The following NREP variants were observed in gnomAD, a reference collection of about 807,000 sequenced individuals.
NREP encodes the protein neuronal regeneration-related protein.
NREP carries 5 observed loss-of-function variants against 8.6 expected under a neutral mutation model. That is an observed-to-expected ratio of 0.58 (90% CI 0.30 to 1.22). The LOEUF (loss-of-function observed/expected upper bound fraction) is 1.22. Ranked by LOEUF, NREP falls within the 50% of genes most tolerant of loss-of-function variation. The pLI, the probability that NREP is intolerant of heterozygous loss-of-function variation, is 0.07. For missense variants in NREP, 86 were observed against 82.5 expected (o/e 1.04, Z -0.17); for synonymous variants, 27 against 28.0 (o/e 0.96, Z 0.11).
At chr5:111,975,481 C>T in intron 1 of NREP, 1 of 759,432 alleles carries the variant, frequency 1.3e-6, no homozygotes, top group Non-Finnish European at 2.2e-6. Context: ...GCATTGTTCT[C>T]ATTTCTAAAA....
chr5:111,857,209 T>G (rs1753445345), intron 2 of NREP, among the ~76,000 whole-genome samples: 1 of 152,142 alleles, frequency 6.6e-6, no homozygotes, highest in Non-Finnish European at 1.5e-5. Context: ...GTCCTAGTGT[T>G]TGTCACCCCA....
Position 111,735,457 on chromosome 5 carries a change from G to C in NREP, c.54C>G (p.Asn18Lys), listed in dbSNP as rs1749014514. The change falls in exon 3 of 4, where the codon AAC (asparagine) becomes AAG (lysine). Residue 18 changes from asparagine (N) to lysine (K), a missense_variant. Coordinates refer to ENST00000257435, the MANE Select transcript of NREP (RefSeq NM_004772.4). ...TAGGAAGCCTTCCCTCCATGTCCTT[G>C]TTTGGAAATGGTTCTTGACTGACCC... ...FVWVSQEPFP[N>K]KDMEGRLPKG... is the part of the protein sequence containing the mutation. 7 of 1,612,822 alleles carry C rather than the reference G, an allele frequency of 4.3e-6. No homozygotes were observed. The highest frequency in any genetic ancestry group is 5.9e-6 in the Non-Finnish European group (7 of 1,179,098).
chr5:111,958,216 A>T (rs949500024), intron 2 of NREP, among the ~76,000 whole-genome samples: 2 of 151,920 alleles, frequency 1.3e-5, no homozygotes, highest in African/African-American at 2.4e-5. Context: ...ATACTCTTAA[A>T]TTGTTAAGAA....
chr5:111,874,853 A>G (rs371157326), intron 2 of NREP, among the ~76,000 whole-genome samples: 27 of 152,320 alleles, frequency 1.8e-4, no homozygotes, highest in African/African-American at 4.6e-4. Context: ...TGATTCAGAT[A>G]GGCTTGGAAT....
intron 2 of NREP, among the ~76,000 whole-genome samples, chr5:111,826,106 T>C (rs1394992398): frequency 6.6e-6 from 1 of 152,120 alleles, no homozygotes; most frequent in East Asian, 1.9e-4. Flanking sequence ...CCTGGGCTTC[T>C]GGGTCACGTG....
intron 2 of NREP, among the ~76,000 whole-genome samples, chr5:111,749,228 A>T (rs1332228864): frequency 6.6e-6 from 1 of 152,158 alleles, no homozygotes; most frequent in Non-Finnish European, 1.5e-5. Flanking sequence ...GTGAAAAAAA[A>T]TTACTTGAAG....
intron 2 of NREP, among the ~76,000 whole-genome samples, chr5:111,873,424 T>C (rs1011105119): frequency 1.3e-5 from 2 of 152,212 alleles, no homozygotes; most frequent in African/African-American, 4.8e-5. Context: ...TGTTCCTCTC[T>C]AGAGGATACT....
At chr5:111,750,965 T>C (rs2112840077) in intron 2 of NREP, among the ~76,000 whole-genome samples, 1 of 152,318 alleles carries the variant, frequency 6.6e-6, no homozygotes, top group East Asian at 1.9e-4. Context: ...ATTTTCTGTG[T>C]AAACTAAAAT....
chr5:111,942,342 T>C (rs1202238962), intron 2 of NREP, among the ~76,000 whole-genome samples: 1 of 152,070 alleles, frequency 6.6e-6, no homozygotes, highest in Non-Finnish European at 1.5e-5. Context: ...CCTTTCCATC[T>C]GAAAAGTGAA....
intron 2 of NREP, among the ~76,000 whole-genome samples, chr5:111,972,789 G>A (rs1208079556): frequency 1.3e-5 from 2 of 152,194 alleles, no homozygotes; most frequent in African/African-American, 4.8e-5. Flanking sequence ...GACTGCCTAA[G>A]GCATGTGCTT....
intron 2 of NREP, among the ~76,000 whole-genome samples, chr5:111,885,028 T>A (rs1400807344): frequency 6.6e-6 from 1 of 152,130 alleles, no homozygotes; most frequent in Admixed American, 6.5e-5. Flanking sequence ...AAAGAGGAAG[T>A]CAAATTGTCC....
intron 2 of NREP, among the ~76,000 whole-genome samples, chr5:111,932,904 A>G (rs1283385827): frequency 6.6e-6 from 1 of 152,016 alleles, no homozygotes. Context: ...GAGTAGGAAG[A>G]CCACTCACAG....
chr5:111,976,763 A>G (rs760115324), exon 1 of NREP: 2 of 1,550,028 alleles, frequency 1.3e-6, no homozygotes, highest in Non-Finnish European at 1.7e-6. Flanking sequence ...CTGCTTGAGG[A>G]TAAAGTTCAG....
chr5:111,800,326 G>A (rs745800515), intron 2 of NREP, among the ~76,000 whole-genome samples: 22 of 152,214 alleles, frequency 1.4e-4, no homozygotes, highest in Admixed American at 5.9e-4. Context: ...GGTTCAGAGA[G>A]TACTTGCTGT....
chr5:111,976,632 G>C, intron 1 of NREP: 1 of 1,246,238 alleles, frequency 8.0e-7, no homozygotes. Context: ...GTGAGGCAGA[G>C]ACAAACATCC....
chr5:111,960,760 T>C (rs1756458109), intron 2 of NREP, among the ~76,000 whole-genome samples: 1 of 152,180 alleles, frequency 6.6e-6, no homozygotes, highest in South Asian at 2.1e-4. Flanking sequence ...TAAACTTAAG[T>C]TTACAGTCTA....
chr5:111,919,010 A>G (rs1023049929), intron 2 of NREP, among the ~76,000 whole-genome samples: 1 of 152,202 alleles, frequency 6.6e-6, no homozygotes, highest in Non-Finnish European at 1.5e-5. Context: ...TCCAGAATCT[A>G]CAGGGACTTA....
At chr5:111,758,069 A>C (rs770739124), upstream of NREP, 44 of 985,568 alleles carry the variant, frequency 4.5e-5, no homozygotes, top group Non-Finnish European at 5.3e-5. Flanking sequence ...GCTCAGACAC[A>C]CAAAGAGTCC....
chr5:111,862,607 A>G (rs1424887716), intron 2 of NREP, among the ~76,000 whole-genome samples: 2 of 152,136 alleles, frequency 1.3e-5, no homozygotes, highest in African/African-American at 4.8e-5. Context: ...TAAATCTTTT[A>G]TAAATCATAG....
Sources: gnomAD v4.1 joint callset for allele counts (sites outside exome capture counted in the v4.1 genomes callset) on GRCh38, gnomAD v4.1.1 for gene constraint, MANE v1.5 for transcripts, NCBI Gene and HGNC (gene_info 2026-07-23, HGNC 2026-07-21) for gene names.